ERC1: variants seen among roughly 807,000 people sequenced by gnomAD.
ERC1 encodes RAB6 interacting protein 2.
In ERC1, 56 loss-of-function variants were observed where a neutral mutation model predicts 132.0. The ratio of observed to expected loss-of-function variants is 0.42; its 90% CI spans 0.34 to 0.53. The LOEUF (loss-of-function observed/expected upper bound fraction) is 0.53, where lower values mean the gene tolerates loss of function less well. ERC1 is among the 20% of genes least tolerant of loss of function. ERC1 has a pLI of 0.03. For synonymous variants in ERC1, 478 were observed against 476.1 expected (o/e 1.00, Z -0.05); for missense variants, 1,202 against 1,349.9 (o/e 0.89, Z 1.72).
intron 15 of ERC1, among the ~76,000 whole-genome samples, chr12:1,353,671 T>A (rs1477849804): frequency 6.6e-6 from 1 of 152,036 alleles, no homozygotes; most frequent in Admixed American, 6.6e-5. Flanking sequence ...CATGAATGGA[T>A]CTGTTCTGTG....
At chr12:1,007,473 TC>T (rs1963853563) in intron 1 of ERC1, among the ~76,000 whole-genome samples, 5 of 150,314 alleles carry the variant, frequency 3.3e-5, no homozygotes, top group African/African-American at 7.4e-5. Flanking sequence ...TCTCTCTCTC[TC>T]TCTCTCTCTC....
intron 3 of ERC1, among the ~76,000 whole-genome samples, chr12:1,101,362 C>T (rs531655179): frequency 3.3e-5 from 5 of 152,266 alleles, no homozygotes; most frequent in South Asian, 4.1e-4. Context: ...GACAGTGCTG[C>T]GTGGCACAGG....
At chr12:1,284,051 C>T (rs929349461) in intron 14 of ERC1, among the ~76,000 whole-genome samples, 2 of 152,108 alleles carry the variant, frequency 1.3e-5, no homozygotes, top group African/African-American at 4.8e-5. Flanking sequence ...TCCCTTCATC[C>T]CCCTCTCCCT....
At chr12:1,320,329 G>C (rs1289830117) in intron 15 of ERC1, among the ~76,000 whole-genome samples, 1 of 152,176 alleles carries the variant, frequency 6.6e-6, no homozygotes, top group African/African-American at 2.4e-5. Flanking sequence ...TCACCCAAAT[G>C]TGTATGAAAG....
At chr12:1,258,454 T>C (rs896220313) in intron 13 of ERC1, among the ~76,000 whole-genome samples, 12 of 152,184 alleles carry the variant, frequency 7.9e-5, no homozygotes, top group African/African-American at 2.7e-4. Context: ...CAGGAAGCAC[T>C]TTCCAGGGGT....
chr12:1,263,320 T>C (rs1461160231), intron 14 of ERC1, among the ~76,000 whole-genome samples, 155 bp downstream of exon 14: 1 of 152,212 alleles, frequency 6.6e-6, no homozygotes, highest in Non-Finnish European at 1.5e-5. Flanking sequence ...TTCATAGCGG[T>C]ATTAGATACA....
intron 12 of ERC1, among the ~76,000 whole-genome samples, chr12:1,208,722 C>T (rs1438396524): frequency 6.6e-6 from 1 of 152,040 alleles, no homozygotes; most frequent in African/African-American, 2.4e-5. Context: ...CTAAGCCTGT[C>T]TTGTATGGGA....
At chr12:1,009,200 A>T (rs2154137583) in intron 1 of ERC1, among the ~76,000 whole-genome samples, 1 of 150,764 alleles carries the variant, frequency 6.6e-6, no homozygotes, top group Non-Finnish European at 1.5e-5. Flanking sequence ...TTTGAGACAG[A>T]GTCTCTCTCT....
intron 14 of ERC1, among the ~76,000 whole-genome samples, chr12:1,273,735 G>A (rs572758933): frequency 1.6e-4 from 25 of 152,222 alleles, no homozygotes; most frequent in Non-Finnish European, 3.2e-4. Flanking sequence ...AGATGGGTGG[G>A]TGGATGGATG....
intron 15 of ERC1, among the ~76,000 whole-genome samples, chr12:1,299,945 G>A (rs890150821): frequency 6.6e-6 from 1 of 152,042 alleles, no homozygotes; most frequent in Non-Finnish European, 1.5e-5. Context: ...AAGTGAGCAG[G>A]CCTTTATCTA....
intron 17 of ERC1, among the ~76,000 whole-genome samples, chr12:1,410,175 G>A (rs2091760772): frequency 6.6e-6 from 1 of 151,158 alleles, no homozygotes; most frequent in African/African-American, 2.4e-5. Context: ...TTTCATCCAC[G>A]GTTGGTTGAA....
At chr12:1,314,241 A>G (rs1424894572) in intron 15 of ERC1, among the ~76,000 whole-genome samples, 2 of 152,202 alleles carry the variant, frequency 1.3e-5, no homozygotes, top group Non-Finnish European at 2.9e-5. Flanking sequence ...GAGAACATTG[A>G]TCATAATAGA....
chr12:1,020,642 C>T (rs1377866090), intron 1 of ERC1: 1 of 152,136 alleles, frequency 6.6e-6, no homozygotes, highest in Non-Finnish European at 1.5e-5. Context: ...TGGCAGGAGA[C>T]CTCAGTTTCT....
Position 1,323,884 on chromosome 12 carries a change from C to T in ERC1, c.2780+33872C>T, listed in dbSNP as rs2082276877. 1.3e-5 allele frequency among the ~76,000 whole-genome samples: 2 copies of T among 152,206 alleles called. 1 individual carries two copies. The highest frequency in any genetic ancestry group is 1.3e-4 in the Admixed American group (2 of 15,274). On this transcript the variant is annotated intron_variant, in intron 15 of 18. Coordinates refer to ENST00000360905, the MANE Select transcript of ERC1 (RefSeq NM_178040.4). ...ATGGCTGATTGTTGCTGCTTCCCAA[C>T]ATCTTCACCCGTTTTACCGGAATTT...
At chr12:1,325,757 C>T (rs73036637) in intron 15 of ERC1, among the ~76,000 whole-genome samples, 5,266 of 152,116 alleles carry the variant, frequency 0.035, 97 homozygotes, top group Middle Eastern at 0.075. Context: ...AATCTAAGGA[C>T]TATAGTTTTG....
chr12:1,022,747 C>T (rs1966565793), intron 1 of ERC1, among the ~76,000 whole-genome samples: 1 of 152,046 alleles, frequency 6.6e-6, no homozygotes, highest in African/African-American at 2.4e-5. Flanking sequence ...GTCACTGAAA[C>T]CTTTGCCTCC....
chr12:1,237,040 T>A (rs1215089270), intron 13 of ERC1, 136 bp downstream of exon 13: 4 of 1,003,898 alleles, frequency 4.0e-6, no homozygotes, highest in Non-Finnish European at 5.8e-6. Flanking sequence ...TCAGACCAAC[T>A]GTTTAGCAAT....
intron 8 of ERC1, among the ~76,000 whole-genome samples, chr12:1,164,603 G>C (rs1370652371): frequency 6.6e-6 from 1 of 152,200 alleles, no homozygotes; most frequent in African/African-American, 2.4e-5. Context: ...GCCTCCCAAA[G>C]TGCTGGGATT....
At chr12:1,405,084 G>A (rs1272922542) in intron 16 of ERC1, among the ~76,000 whole-genome samples, 5 of 151,626 alleles carry the variant, frequency 3.3e-5, no homozygotes, top group African/African-American at 9.7e-5. Context: ...AAGTTGCAGC[G>A]AGCTGAGATC....
Sources: gnomAD v4.1 joint callset for allele counts (sites outside exome capture counted in the v4.1 genomes callset) on GRCh38, gnomAD v4.1.1 for gene constraint, MANE v1.5 for transcripts, NCBI Gene and HGNC (gene_info 2026-07-23, HGNC 2026-07-21) for gene names.